GIPC1: variants seen among roughly 807,000 people sequenced by gnomAD.
GIPC1 encodes GIPC PDZ domain containing family member 1.
A neutral mutation model predicts 28.5 loss-of-function variants in GIPC1; 15 were observed. The observed-to-expected ratio is 0.53, with a 90% CI of 0.35 to 0.81. The LOEUF (loss-of-function observed/expected upper bound fraction) is 0.81. GIPC1 is among the 30% of genes least tolerant of loss of function. The pLI is 0.01. For missense variants in GIPC1, 439 were observed against 481.9 expected (o/e 0.91, Z 0.83); for synonymous variants, 224 against 206.1 (o/e 1.09, Z -0.74).
Position 14,478,566 on chromosome 19 carries a change from C to T in GIPC1, c.852G>A (p.Ala284=), listed in dbSNP as rs1127307. 327,533 of 1,613,290 alleles carry T rather than the reference C, an allele frequency of 0.2. 34,285 individuals are homozygous for T. The highest frequency in any genetic ancestry group is 0.33 in the East Asian group (15,008 of 44,840). The change falls in exon 9 of 9, where the codon GCG becomes GCA. Residue 284 remains alanine (A), a splice_region_variant and synonymous_variant. Coordinates refer to ENST00000393033, the MANE Select transcript of GIPC1 (RefSeq NM_005716.4). The surrounding 1 kb of genome is among the most constrained non-coding windows in gnomAD (Gnocchi z 5.2). ...CCTTTCCCAGCTCCACCATGGTGGC[C>T]GCTATTGGGGGAGGGGTCAGAACGG... The part of the protein sequence containing the change: ...SYMGIRDTEL[A]ATMVELGKDK...
In GIPC1 at chr19:14,496,127, C is replaced by G. The variant is rs551919426; in HGVS notation, c.-265G>C. On this transcript the variant is annotated 5_prime_UTR_variant, in exon 1 of 9. Transcript: ENST00000393033. ...GCTCGGCCCTCCGCAAACTCCAGAC[C>G]GGGCCTCTCCCGCAGCGGCGCCTGG... 1.6e-5 allele frequency: 3 copies of G among 184,922 alleles called. No individual in the cohort carries two copies. Among genetic ancestry groups the G allele is most frequent in the South Asian group, 1.7e-4 (1 of 6,036 alleles). 11.5% of individuals were successfully genotyped at this position (184,922 alleles called of 1,614,324 possible). A position where few individuals can be genotyped will look rare whatever the true frequency, so the allele number is the denominator to read the frequency against.
chr19:14,481,918 C>CCAGGCAAG (rs1361264699), intron 4 of GIPC1: 1 of 152,598 alleles, frequency 6.6e-6, no homozygotes, highest in African/African-American at 2.4e-5. Context: ...GTGCTTGGCA[C>CCAGGCAAG]CAGGCAAGCC....
At position 14,478,692 on chromosome 19, in the gene GIPC1, G is replaced by C; in HGVS notation, c.842C>G (p.Thr281Arg). The change falls in exon 8 of 9, where the codon ACG (threonine) becomes AGG (arginine). Residue 281 changes from threonine (T) to arginine (R), a missense_variant. Transcript: ENST00000393033. This position sits in a 1 kb window ranked among gnomAD's most constrained non-coding sequence, Gnocchi z 5.2. ...AGGCAGCCCTCACTCACCCAGCTCC[G>C]TGTCCCTGATACCCATGTAACTCTC... is the stretch of plus-strand genomic sequence containing the variant. ...LLESYMGIRD[T>R]ELAATMVELG... 6.2e-7 allele frequency: 1 copy of C among 1,613,546 alleles called. No individual in the cohort carries two copies. Among genetic ancestry groups the C allele is most frequent in the Non-Finnish European group, 8.5e-7 (1 of 1,179,644 alleles).
chr19:14,485,702 T>TATATATATATATATATAGAG (rs1300117748), intron 3 of GIPC1, among the ~76,000 whole-genome samples: 7 of 58,782 alleles, frequency 1.2e-4, no homozygotes, highest in African/African-American at 1.7e-4. Context: ...TATATATATA[T>TATATATATATATATATAGAG]AGAGAGAGAG....
Position 14,479,436 on chromosome 19 carries a change from C to G in GIPC1, c.744G>C (p.Arg248=). The part of the protein sequence containing the change: ...TGRGTLRLRS[R]GPATVEDLPS... ...CCAGATCCTCCACCGTGGCGGGGCC[C>G]CGGGATCGGAGCCGCAGGGTCCCTC... The change falls in exon 7 of 9, where the codon CGG becomes CGC. Residue 248 remains arginine, a synonymous_variant. Coordinates refer to ENST00000393033, the MANE Select transcript of GIPC1 (RefSeq NM_005716.4). 8.4e-6 allele frequency: 12 copies of G among 1,422,512 alleles called. No individual in the cohort carries two copies. Among genetic ancestry groups the G allele is most frequent in the Non-Finnish European group, 1.1e-5 (12 of 1,086,874 alleles). The allele number at this position is 1,422,512 out of a possible 1,614,324, so 88.1% of individuals were successfully genotyped here. A position where few individuals can be genotyped will look rare whatever the true frequency, so the allele number is the denominator to read the frequency against.
rs1394720952 is a variant in GIPC1, at chr19:14,482,705, C to T, written c.272G>A (p.Arg91His). Residue 91 changes from arginine (R) to histidine (H), a missense_variant, in exon 4 of 9, where the codon CGC becomes CAC. By Grantham distance (29) the Arg-to-His change is conservative (BLOSUM62 0). Transcript: ENST00000393033. ...AGTGGATACCTCGGCAGTTGGCAGG[C>T]GGAAGGCCTCGGCGATCTTGCCATA... Reference protein sequence around the residue: ...ELYGKIAEAFRLPTAEVMFCT... With the variant: ...ELYGKIAEAFHLPTAEVMFCT... 8 of 1,611,238 alleles carry T rather than the reference C, an allele frequency of 5.0e-6. No individual in the cohort carries two copies. The Admixed American group carries it at 8.3e-5, about 17-fold the overall frequency.
intron 3 of GIPC1, among the ~76,000 whole-genome samples, chr19:14,491,421 G>A (rs1285052653): frequency 1.3e-5 from 2 of 151,978 alleles, no homozygotes; most frequent in Admixed American, 6.6e-5. Flanking sequence ...ACCACACCTG[G>A]CTAATTTTTG....
Position 14,479,513 on chromosome 19 carries a change from G to A in GIPC1, c.667C>T (p.Gln223Ter). ...EPRKAFDMIS[Q>*]RSAGGRPGSG... ...CCAGGGCGGCCACCCGCTGAACGCTGGCTGATCATGTCTGTGGGAGGCAGG... is the reference window on the plus strand; with the variant it reads ...CCAGGGCGGCCACCCGCTGAACGCTAGCTGATCATGTCTGTGGGAGGCAGG... Residue 223 changes from glutamine (Q) to a stop codon, truncating the protein, a stop_gained, in exon 7 of 9, where the codon CAG becomes TAG. Transcript: ENST00000393033. LOFTEE classifies it high-confidence loss of function. 6.9e-7 allele frequency: 1 copy of A among 1,440,858 alleles called. No individual in the cohort carries two copies. The highest frequency in any genetic ancestry group is 9.1e-7 in the Non-Finnish European group (1 of 1,098,798). 89.3% of individuals were successfully genotyped at this position (1,440,858 alleles called of 1,614,324 possible). A position where few individuals can be genotyped will look rare whatever the true frequency, so the allele number is the denominator to read the frequency against.
At chr19:14,491,796 C>T (rs1011335874) in intron 2 of GIPC1, 53 bp from the exon 3 acceptor site, 2 of 152,238 alleles carry the variant, frequency 1.3e-5, no homozygotes, top group African/African-American at 4.8e-5. Context: ...CCTCCCCGGG[C>T]TCTGACCTCG....
intron 3 of GIPC1, among the ~76,000 whole-genome samples, chr19:14,489,932 C>T (rs2146488319): frequency 6.6e-6 from 1 of 151,784 alleles, no homozygotes; most frequent in Non-Finnish European, 1.5e-5. Flanking sequence ...ATTTGATCCC[C>T]AAAGTGGTGG....
At chr19:14,487,391 C>A (rs1284004426) in intron 3 of GIPC1, among the ~76,000 whole-genome samples, 8 of 151,956 alleles carry the variant, frequency 5.3e-5, no homozygotes, top group Non-Finnish European at 7.4e-5. Flanking sequence ...CGCCACCATG[C>A]CCGGCTAATT....
intron 6 of GIPC1, 147 bp downstream of exon 6, chr19:14,480,158 C>G: frequency 4.5e-6 from 3 of 667,282 alleles, no homozygotes; most frequent in Non-Finnish European, 7.7e-6. Context: ...CGTCTGGGGT[C>G]GGGAGGAGCT....
chr19:14,480,385 T>C lies in GIPC1; in HGVS notation c.575A>G (p.Tyr192Cys), dbSNP rs1239348879. 1.9e-6 allele frequency: 3 copies of C among 1,612,962 alleles called. No homozygotes were observed. The highest frequency in any genetic ancestry group is 2.5e-6 in the Non-Finnish European group (3 of 1,179,794). ...CTCCTTGAGCAGCCGGGCCACCTCG[T>C]AGTGCCGGCAGCCCAGCAGGCTCTG... ...NGQSLLGCRH[Y>C]EVARLLKELP... Residue 192 changes from tyrosine (Y) to cysteine (C), a missense_variant, in exon 6 of 9, where the codon TAC becomes TGC. By Grantham distance (194) the Tyr-to-Cys change is radical. Transcript: ENST00000393033.
At chr19:14,479,850 C>G (rs1161484402) in intron 6 of GIPC1, 2 of 369,124 alleles carry the variant, frequency 5.4e-6, no homozygotes, top group Non-Finnish European at 9.8e-6. Flanking sequence ...CTGAGTCCGT[C>G]TCCTCTTGGC....
chr19:14,479,362 AAAAAG>A, intron 7 of GIPC1, 45 bp downstream of exon 7: 1 of 822,716 alleles, frequency 1.2e-6, no homozygotes, highest in Non-Finnish European at 1.8e-6. Context: ...CAAAAAAAAA[AAAAAG>A]AAAGGGAAGG....
At chr19:14,489,383 A>G (rs147105344) in intron 3 of GIPC1, 2 of 786,712 alleles carry the variant, frequency 2.5e-6, no homozygotes, top group Non-Finnish European at 4.7e-6. Context: ...CATGGAGTAT[A>G]CACCATGAGC....
chr19:14,481,964 C>T (rs372483103), intron 4 of GIPC1: 3 of 153,012 alleles, frequency 2.0e-5, no homozygotes, highest in East Asian at 3.9e-4. Flanking sequence ...CAAGGCATCA[C>T]GGAGAAGTGC....
At chr19:14,495,873 C>T (rs888356972) in intron 1 of GIPC1, among the ~76,000 whole-genome samples, 164 bp downstream of exon 1, 1 of 151,724 alleles carries the variant, frequency 6.6e-6, no homozygotes, top group African/African-American at 2.4e-5. Flanking sequence ...ACCCCCCACC[C>T]CCGCTTCCCC....
rs1449036628 is a variant in GIPC1, at chr19:14,479,462, G to A, written c.718C>T (p.Arg240Ter). The A allele has an allele frequency of 4.2e-6, 6 of 1,436,822 alleles. No individual in the cohort carries two copies. The highest frequency in any genetic ancestry group is 3.6e-6 in the Non-Finnish European group (4 of 1,096,982). The allele number at this position is 1,436,822 out of a possible 1,614,324, so 89.0% of individuals were successfully genotyped here. A position where few individuals can be genotyped will look rare whatever the true frequency, so the allele number is the denominator to read the frequency against. Reference protein sequence around the residue: ...PGSGPQLGTGRGTLRLRSRGP... With the variant: ...PGSGPQLGTG ...CGGGATCGGAGCCGCAGGGTCCCTC[G>A]GCCAGTGCCCAGTTGTGGGCCAGAG... Residue 240 changes from arginine (R) to a stop codon, truncating the protein, a stop_gained, in exon 7 of 9, where the codon CGA (arginine) becomes TGA (stop). Transcript: ENST00000393033. LOFTEE classifies it high-confidence loss of function.
Sources: allele counts gnomAD v4.1 joint callset (sites outside exome capture counted in the v4.1 genomes callset), GRCh38; gene constraint gnomAD v4.1.1; non-coding constraint Gnocchi (gnomAD v3.1); transcripts MANE v1.5; gene names NCBI Gene and HGNC (gene_info 2026-07-23, HGNC 2026-07-21).